HPSE: variants seen among roughly 807,000 people sequenced by gnomAD.
HPSE encodes the protein heparanase, also known as endo-glucoronidase.
HPSE carries 48 observed loss-of-function variants against 65.1 expected under a neutral mutation model. The observed-to-expected ratio is 0.74, with a 90% CI of 0.58 to 0.94. The LOEUF (loss-of-function observed/expected upper bound fraction) is 0.94, where lower values mean the gene tolerates loss of function less well. Among genes scored for constraint, HPSE ranks in the 40% least tolerant of loss-of-function variants. The probability of loss-of-function intolerance (pLI) is 0.00; values close to 1 mark genes in which losing one functional copy is unlikely to be tolerated. For missense variants in HPSE, 644 were observed against 637.5 expected, an observed-to-expected ratio of 1.01 and a Z score of -0.11; for synonymous variants, 243 against 260.0, an observed-to-expected ratio of 0.93 and a Z score of 0.63.
chr4:83,313,308 T>A (rs777079206), intron 3 of HPSE, 21 bp from the exon 4 acceptor site: 2 of 1,585,254 alleles, frequency 1.3e-6, no homozygotes, highest in Admixed American at 3.6e-5. Context: ...AACGTCACAA[T>A]TTAATGGTTA....
intron 3 of HPSE, among the ~76,000 whole-genome samples, chr4:83,316,613 A>C (rs1235399309): frequency 6.6e-6 from 1 of 152,144 alleles, no homozygotes; most frequent in Non-Finnish European, 1.5e-5. Context: ...TGGGGTGATG[A>C]GGGGAACAGG....
rs760424522 is a variant in HPSE, at chr4:83,309,410, CT to C, written c.975del (p.Val326PhefsTer16). The C allele has an allele frequency of 8.3e-6, 13 of 1,559,694 alleles. 1 individual carries two copies. In the South Asian group the frequency reaches 1.4e-4, roughly 17 times the overall value. ...VLDIFISSVQ[K>X]VFQVVESTRP... ...TTTAAAAAGACTATTACCTGGAAAA[CT>C]TTTTGCACAGATGAAATAAAAATGT... On this transcript the variant is annotated frameshift_variant, in exon 7 of 12. Coordinates refer to ENST00000311412, the MANE Select transcript of HPSE (RefSeq NM_001098540.3). LOFTEE classifies it high-confidence loss of function.
chr4:83,297,074 T>C (rs1735758710), intron 11 of HPSE, among the ~76,000 whole-genome samples: 1 of 152,158 alleles, frequency 6.6e-6, no homozygotes, highest in African/African-American at 2.4e-5. Flanking sequence ...GTTTTCTATG[T>C]TTTAGATATG....
intron 3 of HPSE, 143 bp downstream of exon 3, chr4:83,319,201 G>A (rs1736774712): frequency 8.4e-6 from 7 of 830,194 alleles, no homozygotes; most frequent in Non-Finnish European, 1.3e-5. Flanking sequence ...CAAGTTTTGA[G>A]TTTAGGATTT....
chr4:83,310,164 G>A, intron 5 of HPSE, 86 bp from the exon 6 acceptor site: 3 of 851,470 alleles, frequency 3.5e-6, no homozygotes, highest in South Asian at 1.7e-5. Flanking sequence ...CCTAGAAATG[G>A]GCTGGTTACT....
At chr4:83,303,153 A>G (rs1736020191) in intron 9 of HPSE, among the ~76,000 whole-genome samples, 2 of 152,196 alleles carry the variant, frequency 1.3e-5, no homozygotes, top group South Asian at 4.1e-4. Flanking sequence ...AAAAAATACA[A>G]TTAAAAACCT....
intron 3 of HPSE, among the ~76,000 whole-genome samples, chr4:83,315,356 T>G (rs1736586359): frequency 6.6e-6 from 1 of 152,124 alleles, no homozygotes; most frequent in African/African-American, 2.4e-5. Flanking sequence ...TACTGGATCT[T>G]AGAGCCACAG....
intron 1 of HPSE, among the ~76,000 whole-genome samples, chr4:83,334,253 A>C (rs72938141): frequency 0.051 from 7,698 of 152,250 alleles, 638 homozygotes; most frequent in African/African-American, 0.17. Context: ...ACAATGTACA[A>C]CATTCGGGTG....
At position 83,294,486 on chromosome 4, in the gene HPSE, T is replaced by C. The variant is rs985907529; in HGVS notation, c.*858A>G. On this transcript the variant is annotated 3_prime_UTR_variant, in exon 12 of 12. Transcript: ENST00000311412. The stretch of plus-strand genomic sequence containing the variant: ...CATCAAATGATCTCCTGCTGTACCA[T>C]GCTGTACTCCCAAAGAAATCCCAGC... 2.0e-5 allele frequency: 3 copies of C among 152,310 alleles called. No individual in the cohort carries two copies. Among genetic ancestry groups the C allele is most frequent in the African/African-American group, 4.8e-5 (2 of 41,456 alleles). The allele number at this position is 152,310 out of a possible 1,614,324, so 9.4% of individuals were successfully genotyped here.
At chr4:83,322,089 C>T in intron 2 of HPSE, 130 bp downstream of exon 2, 1 of 577,110 alleles carries the variant, frequency 1.7e-6, no homozygotes, top group South Asian at 2.6e-5. Context: ...GATTCCTCCA[C>T]AGGTCAGATG....
chr4:83,320,878 C>A (rs967204156), intron 2 of HPSE, among the ~76,000 whole-genome samples: 1 of 152,100 alleles, frequency 6.6e-6, no homozygotes, highest in African/African-American at 2.4e-5. Context: ...CTTTTGGACA[C>A]AAATGACTGG....
chr4:83,318,486 T>C (rs946380648), intron 3 of HPSE, among the ~76,000 whole-genome samples: 5 of 151,954 alleles, frequency 3.3e-5, no homozygotes, highest in African/African-American at 7.2e-5. Context: ...TACAAAAAAT[T>C]AGCCGGTCGT....
In HPSE at chr4:83,322,341, G is replaced by A. The variant is rs764490095; in HGVS notation, c.251C>T (p.Ala84Val). ...LLGSPKLRTL[A>V]RGLSPAYLRF... ...CAGGTACGCAGGAGACAAGCCTCTG[G>A]CCAAGGTACGAAGCTTTGGAGAACT... Residue 84 changes from alanine to valine, a missense_variant, in exon 2 of 12, where the codon GCC becomes GTC. Coordinates refer to ENST00000311412, the MANE Select transcript of HPSE (RefSeq NM_001098540.3). 1.9e-6 allele frequency: 3 copies of A among 1,613,240 alleles called. No homozygotes were observed. In the South Asian group the frequency reaches 3.3e-5, roughly 18 times the overall value.
chr4:83,326,304 C>T lies in HPSE; in HGVS notation c.228-3940G>A, dbSNP rs1010015533. Among the ~76,000 whole-genome samples the T allele has an allele frequency of 1.3e-5, 2 of 152,202 alleles. No homozygotes were observed. Among genetic ancestry groups the T allele is most frequent in the Non-Finnish European group, 2.9e-5 (2 of 68,034 alleles). The stretch of plus-strand genomic sequence containing the variant: ...TGAACTCCTGGCCTCAAATGATCCA[C>T]CTGCCTCAGCCTCCCAAAGTGCTGG... On this transcript the variant is annotated intron_variant, in intron 1 of 11. Coordinates refer to ENST00000311412, the MANE Select transcript of HPSE (RefSeq NM_001098540.3). This position sits in a 1 kb window ranked among gnomAD's most constrained non-coding sequence, Gnocchi z 4.2.
At chr4:83,335,010 T>C, upstream of HPSE, 1 of 603,608 alleles carries the variant, frequency 1.7e-6, no homozygotes, top group Non-Finnish European at 2.7e-6. Flanking sequence ...CCTACTTCCT[T>C]GCTCGCTTTC....
intron 3 of HPSE, among the ~76,000 whole-genome samples, chr4:83,318,731 G>A (rs1736755748): frequency 6.6e-6 from 1 of 151,204 alleles, no homozygotes; most frequent in Non-Finnish European, 1.5e-5. Context: ...AAAAAAAAGG[G>A]GGTTCCTTGT....
In HPSE at chr4:83,294,394, G is replaced by T. The variant is rs1002363149; in HGVS notation, c.*950C>A. 1 of 152,262 alleles carries T rather than the reference G, an allele frequency of 6.6e-6. No homozygotes were observed. The highest frequency in any genetic ancestry group is 6.5e-5 in the Admixed American group (1 of 15,274). The allele number at this position is 152,262 out of a possible 1,614,324, so 9.4% of individuals were successfully genotyped here. On this transcript the variant is annotated 3_prime_UTR_variant, in exon 12 of 12. Coordinates refer to ENST00000311412, the MANE Select transcript of HPSE (RefSeq NM_001098540.3). Reference sequence around the variant, plus strand: ...ATAACTTTAAATAAAGACTGGTTGTGGTGGCTAATCGCTGTCCCCACAGGT... The same window carrying T: ...ATAACTTTAAATAAAGACTGGTTGTTGTGGCTAATCGCTGTCCCCACAGGT...
intron 1 of HPSE, among the ~76,000 whole-genome samples, chr4:83,328,043 C>T (rs1190427416): frequency 2.6e-5 from 4 of 152,174 alleles, no homozygotes; most frequent in Non-Finnish European, 4.4e-5. Flanking sequence ...AAACACCCCC[C>T]AACAAGAAAG....
At chr4:83,324,264 G>A (rs1413021822) in intron 1 of HPSE, among the ~76,000 whole-genome samples, 1 of 151,666 alleles carries the variant, frequency 6.6e-6, no homozygotes. Context: ...TGGGATTATA[G>A]GCGTGAACCA....
Sources: gnomAD v4.1 joint callset for allele counts (sites outside exome capture counted in the v4.1 genomes callset) on GRCh38, gnomAD v4.1.1 for gene constraint, Gnocchi (gnomAD v3.1) non-coding constraint, MANE v1.5 for transcripts, NCBI Gene and HGNC (gene_info 2026-07-23, HGNC 2026-07-21) for gene names.